WWOX: variants seen among roughly 807,000 people sequenced by gnomAD.
WWOX encodes WW domain-containing oxidoreductase.
In WWOX, 69 loss-of-function variants were observed where a neutral mutation model predicts 46.2. That is an observed-to-expected ratio of 1.49 (90% confidence interval 1.23 to 1.82). WWOX has a LOEUF of 1.82. Ranked by LOEUF, WWOX falls within the 40% of genes most tolerant of loss-of-function variation. The pLI, the probability that WWOX is intolerant of heterozygous loss-of-function variation, is 0.00. For missense variants in WWOX, 919 were observed against 542.6 expected, an observed-to-expected ratio of 1.69 and a Z score of -6.89; for synonymous variants, 359 against 202.6, an observed-to-expected ratio of 1.77 and a Z score of -6.56.
intron 8 of WWOX, among the ~76,000 whole-genome samples, chr16:78,600,210 C>A (rs779641337): frequency 2.0e-5 from 3 of 152,044 alleles, no homozygotes; most frequent in Non-Finnish European, 4.4e-5. Flanking sequence ...TCCACCGGGG[C>A]CCTCCCACAA....
intron 4 of WWOX, among the ~76,000 whole-genome samples, chr16:78,127,942 C>T (rs1038364317): frequency 3.9e-5 from 6 of 152,124 alleles, no homozygotes; most frequent in Non-Finnish European, 8.8e-5. Flanking sequence ...TTAATTTCCT[C>T]GTTTGTAAAT....
At chr16:78,894,566 A>G (rs143408392) in intron 8 of WWOX, among the ~76,000 whole-genome samples, 7 of 152,280 alleles carry the variant, frequency 4.6e-5, no homozygotes, top group Non-Finnish European at 5.9e-5. Flanking sequence ...CTAATTTTCA[A>G]CTGGAGATGG....
At chr16:78,568,464 A>C (rs1367215313) in intron 8 of WWOX, among the ~76,000 whole-genome samples, 3 of 151,666 alleles carry the variant, frequency 2.0e-5, no homozygotes, top group African/African-American at 4.8e-5. Flanking sequence ...TTTTAAAAAA[A>C]AGCTTCCAAC....
chr16:78,959,925 A>C (rs1334154584), intron 8 of WWOX, among the ~76,000 whole-genome samples: 1 of 152,222 alleles, frequency 6.6e-6, no homozygotes, highest in East Asian at 1.9e-4. Flanking sequence ...TAGATGACCT[A>C]AGTAATTCTC....
intron 8 of WWOX, among the ~76,000 whole-genome samples, chr16:79,069,280 C>A (rs1033542691): frequency 2.6e-5 from 4 of 152,186 alleles, no homozygotes; most frequent in Admixed American, 1.3e-4. Context: ...AGTTCTCTTA[C>A]GCACTCAGCG....
At chr16:78,133,715 C>T (rs181857820) in intron 4 of WWOX, among the ~76,000 whole-genome samples, 1 of 152,128 alleles carries the variant, frequency 6.6e-6, no homozygotes. Context: ...TTCAAATTAA[C>T]CCCTGAGGAA....
At chr16:78,175,231 G>C (rs2151747346) in intron 5 of WWOX, among the ~76,000 whole-genome samples, 1 of 152,102 alleles carries the variant, frequency 6.6e-6, no homozygotes, top group South Asian at 2.1e-4. Flanking sequence ...GTTCCTAGGG[G>C]GGTTCATCTG....
chr16:79,154,130 A>G (rs748114002), intron 8 of WWOX, among the ~76,000 whole-genome samples: 14 of 152,180 alleles, frequency 9.2e-5, no homozygotes, highest in African/African-American at 2.2e-4. Context: ...CATCTATTCA[A>G]TGTCAGAGCC....
At chr16:79,028,001 G>T (rs2151391864) in intron 8 of WWOX, among the ~76,000 whole-genome samples, 1 of 151,854 alleles carries the variant, frequency 6.6e-6, no homozygotes, top group East Asian at 1.9e-4. Context: ...GCCTAGGCTG[G>T]AGTGCAGTGG....
At chr16:78,519,506 T>G (rs2043305129) in intron 8 of WWOX, among the ~76,000 whole-genome samples, 1 of 151,390 alleles carries the variant, frequency 6.6e-6, no homozygotes, top group Admixed American at 6.6e-5. Flanking sequence ...TATATATATA[T>G]TACATATGGA....
intron 8 of WWOX, among the ~76,000 whole-genome samples, chr16:78,609,543 C>CT (rs947578683): frequency 1.6e-4 from 23 of 143,272 alleles, no homozygotes; most frequent in East Asian, 1.2e-3. Flanking sequence ...TCTTTCTTTT[C>CT]TTTTTTTTTC....
At chr16:78,502,377 C>G (rs1205842930) in intron 8 of WWOX, among the ~76,000 whole-genome samples, 1 of 152,168 alleles carries the variant, frequency 6.6e-6, no homozygotes, top group Non-Finnish European at 1.5e-5. Flanking sequence ...ACTAACCAAT[C>G]TACTTGCTGT....
intron 5 of WWOX, among the ~76,000 whole-genome samples, chr16:78,334,036 G>A (rs771955785): frequency 5.9e-5 from 9 of 152,128 alleles, no homozygotes; most frequent in Non-Finnish European, 1.0e-4. Context: ...AAATCCCCTC[G>A]TCCTCCAGAC....
At chr16:78,345,706 G>C (rs2081084615) in intron 5 of WWOX, among the ~76,000 whole-genome samples, 1 of 111,964 alleles carries the variant, frequency 8.9e-6, no homozygotes, top group Non-Finnish European at 2.1e-5. Context: ...TTTGTGATAT[G>C]GGTACACACT....
chr16:78,581,859 A>T (rs961934918), intron 8 of WWOX, among the ~76,000 whole-genome samples: 1 of 152,170 alleles, frequency 6.6e-6, no homozygotes, highest in South Asian at 2.1e-4. Context: ...AGTTTTGCTT[A>T]TCGGGTTTGT....
chr16:78,611,550 C>T (rs186390295), intron 8 of WWOX, among the ~76,000 whole-genome samples: 2 of 152,264 alleles, frequency 1.3e-5, no homozygotes, highest in African/African-American at 4.8e-5. Flanking sequence ...TCTGTATGGC[C>T]AGTACTGCCC....
chr16:78,521,344 C>A (rs904302877), intron 8 of WWOX, among the ~76,000 whole-genome samples: 1 of 152,098 alleles, frequency 6.6e-6, no homozygotes, highest in Admixed American at 6.5e-5. Flanking sequence ...GTATGAGCCA[C>A]CAAGCCTAGC....
chr16:78,509,591 A>G (rs994902639), intron 8 of WWOX, among the ~76,000 whole-genome samples: 9 of 152,118 alleles, frequency 5.9e-5, no homozygotes, highest in Admixed American at 3.3e-4. Context: ...CCAGTGTGCA[A>G]TGCTTCCCAG....
chr16:78,951,788 C>T (rs1390723788), intron 8 of WWOX, among the ~76,000 whole-genome samples: 2 of 152,076 alleles, frequency 1.3e-5, no homozygotes, highest in Non-Finnish European at 2.9e-5. Context: ...AGGGGGCCAG[C>T]CAGGATGGTG....
Sources: gnomAD v4.1 joint callset for allele counts (sites outside exome capture counted in the v4.1 genomes callset) on GRCh38, gnomAD v4.1.1 for gene constraint, MANE v1.5 for transcripts, NCBI Gene and HGNC (gene_info 2026-07-23, HGNC 2026-07-21) for gene names.